UNC80: variants seen among roughly 807,000 people sequenced by gnomAD.
The protein encoded by UNC80 is unc-80 subunit of NALCN channel complex, also known as protein unc-80 homolog.
Under a neutral mutation model 384.6 loss-of-function variants are expected in UNC80, and 164 were observed. The observed-to-expected ratio is 0.43, with a 90% CI of 0.38 to 0.49. The LOEUF (loss-of-function observed/expected upper bound fraction) is 0.49. UNC80 is among the 20% of genes least tolerant of loss of function. The probability of loss-of-function intolerance (pLI) is 0.00; values close to 1 mark genes in which losing one functional copy is unlikely to be tolerated. For synonymous variants in UNC80, 1,486 were observed against 1,527.8 expected (o/e 0.97, Z 0.64); for missense variants, 3,330 against 4,143.0 (o/e 0.80, Z 5.39).
At chr2:209,921,119 C>T (rs1331430045) in intron 33 of UNC80, among the ~76,000 whole-genome samples, 1 of 152,216 alleles carries the variant, frequency 6.6e-6, no homozygotes, top group African/African-American at 2.4e-5. Context: ...TGAGCCACCA[C>T]ACCTGGCCTG....
At chr2:209,974,110 T>C (rs1197428587) in intron 56 of UNC80, among the ~76,000 whole-genome samples, 1 of 152,168 alleles carries the variant, frequency 6.6e-6, no homozygotes, top group African/African-American at 2.4e-5. Flanking sequence ...AATGAGAAAG[T>C]CTTGCCTGAT....
chr2:209,844,496 C>T (rs201825238), intron 21 of UNC80, among the ~76,000 whole-genome samples: 12,468 of 73,140 alleles, frequency 0.17, 715 homozygotes, highest in East Asian at 0.21. Flanking sequence ...TCCTTCCTTC[C>T]TTCCTTCCTT....
At chr2:209,853,183 A>AT (rs1414326027) in intron 22 of UNC80, among the ~76,000 whole-genome samples, 1 of 151,948 alleles carries the variant, frequency 6.6e-6, no homozygotes, top group Non-Finnish European at 1.5e-5. Flanking sequence ...TCAATCTTGC[A>AT]TTTTCTCCCA....
chr2:209,884,063 G>A (rs1311299730), intron 25 of UNC80, among the ~76,000 whole-genome samples: 3 of 151,990 alleles, frequency 2.0e-5, no homozygotes, highest in East Asian at 3.8e-4. Context: ...TGTAAACCGT[G>A]CAATTAAATT....
At chr2:209,885,838 C>G (rs1429061363) in intron 25 of UNC80, among the ~76,000 whole-genome samples, 1 of 151,552 alleles carries the variant, frequency 6.6e-6, no homozygotes, top group African/African-American at 2.4e-5. Context: ...TCACTGCAAC[C>G]TCCACCTTCC....
At position 209,996,096 on chromosome 2, in the gene UNC80, A is replaced by G. The variant is rs977333870; in HGVS notation, c.*501A>G. 6.5e-6 allele frequency: 1 copy of G among 153,356 alleles called. No individual in the cohort carries two copies. The highest frequency in any genetic ancestry group is 1.5e-5 in the Non-Finnish European group (1 of 68,944). 9.5% of individuals were successfully genotyped at this position (153,356 alleles called of 1,614,324 possible). On this transcript the variant is annotated 3_prime_UTR_variant, in exon 65 of 65. Transcript: ENST00000673920. ...ATAGGAAAAATATTACTTTGGGGAG[A>G]CTAAATAACAAGCCTGCAGCCATTT...
In UNC80 at chr2:209,872,859, C is replaced by A; in HGVS notation, c.3729C>A (p.His1243Gln). The A allele has an allele frequency of 6.4e-7, 1 of 1,551,396 alleles. No individual in the cohort carries two copies. Among genetic ancestry groups the A allele is most frequent in the African/African-American group, 1.4e-5 (1 of 73,108 alleles). ...GNWPEWMKGH[H>Q]VNITKKGLSR... ...GGCCAGAGTGGATGAAAGGGCACCA[C>A]GTGAACATCACCAAGAAAGGACTTT... The change falls in exon 23 of 65, where the codon CAC (histidine) becomes CAA (glutamine). Residue 1243 changes from histidine to glutamine, a missense_variant. Physicochemically the swap from His to Gln is conservative, Grantham distance 24. Transcript: ENST00000673920. The surrounding 1 kb of genome is among the most constrained non-coding windows in gnomAD (Gnocchi z 4.1).
chr2:209,999,263 G>A lies in UNC80; in HGVS notation c.*3668G>A. 6.6e-6 allele frequency: 1 copy of A among 152,216 alleles called. No individual in the cohort carries two copies. The highest frequency in any genetic ancestry group is 1.5e-5 in the Non-Finnish European group (1 of 68,040). The allele number at this position is 152,216 out of a possible 1,614,324, so 9.4% of individuals were successfully genotyped here. A position where few individuals can be genotyped will look rare whatever the true frequency, so the allele number is the denominator to read the frequency against. On this transcript the variant is annotated 3_prime_UTR_variant, in exon 65 of 65. Transcript: ENST00000673920. Reference sequence around the variant, plus strand: ...TATTAAGACTTCTGTGTTTAGGTATGCACATATGATAAAATAAATCTAAAA... The same window carrying A: ...TATTAAGACTTCTGTGTTTAGGTATACACATATGATAAAATAAATCTAAAA...
chr2:209,960,356 A>C (rs2092550950), intron 51 of UNC80, among the ~76,000 whole-genome samples: 1 of 152,208 alleles, frequency 6.6e-6, no homozygotes, highest in South Asian at 2.1e-4. Context: ...TCGTCTTCCT[A>C]CAGAGATGCC....
intron 25 of UNC80, among the ~76,000 whole-genome samples, chr2:209,884,242 A>T (rs1393854480): frequency 6.6e-6 from 1 of 152,246 alleles, no homozygotes; most frequent in Admixed American, 6.5e-5. Context: ...TTCCCAGTTG[A>T]ATTAGTGAGA....
chr2:209,799,996 A>G (rs2078433047), intron 7 of UNC80, among the ~76,000 whole-genome samples: 1 of 152,198 alleles, frequency 6.6e-6, no homozygotes. Flanking sequence ...GGATTTTTGC[A>G]TCAATGTTCA....
chr2:209,971,027 G>C (rs78941886), intron 54 of UNC80, 70 bp downstream of exon 54: 36 of 1,488,508 alleles, frequency 2.4e-5, no homozygotes, highest in Non-Finnish European at 3.1e-5. Context: ...TGGTGTTCTC[G>C]TTTTTTTCTG....
At position 209,944,666 on chromosome 2, in the gene UNC80, C is replaced by T. The variant is rs544775296; in HGVS notation, c.7051-385C>T. The stretch of plus-strand genomic sequence containing the variant: ...CAAAGAAGACCTGTGAAATTCCCAG[C>T]GTTGTTAGTTAAAATAAGCATACAT... On this transcript the variant is annotated intron_variant, in intron 45 of 64. Coordinates refer to ENST00000673920, the MANE Select transcript of UNC80 (RefSeq NM_001371986.1). 7.9e-5 allele frequency among the ~76,000 whole-genome samples: 12 copies of T among 152,118 alleles called. No homozygotes were observed. The South Asian group carries it at 2.1e-3, about 26-fold the overall frequency.
At chr2:209,847,359 C>CG (rs2082242801) in intron 21 of UNC80, among the ~76,000 whole-genome samples, 1 of 113,960 alleles carries the variant, frequency 8.8e-6, no homozygotes, top group Admixed American at 8.5e-5. Context: ...AAAAATAGTA[C>CG]CAAAATATAT....
At chr2:209,889,215 G>A (rs529220178) in intron 26 of UNC80, among the ~76,000 whole-genome samples, 1 of 152,252 alleles carries the variant, frequency 6.6e-6, no homozygotes, top group Admixed American at 6.5e-5. Context: ...CAGCCTACAG[G>A]TTGCTTGTAA....
At chr2:209,831,624 C>G in intron 16 of UNC80, 33 bp downstream of exon 16, 5 of 1,497,194 alleles carry the variant, frequency 3.3e-6, no homozygotes, top group Non-Finnish European at 4.5e-6. Context: ...CACAGGAGCT[C>G]TCAGTCTCTG....
chr2:209,952,344 C>A (rs2092223583), intron 47 of UNC80, among the ~76,000 whole-genome samples: 1 of 152,122 alleles, frequency 6.6e-6, no homozygotes, highest in South Asian at 2.1e-4. Flanking sequence ...TGTGGTAGGG[C>A]AGATCATTTT....
At chr2:209,814,204 A>G (rs540363413) in intron 8 of UNC80, among the ~76,000 whole-genome samples, 1 of 152,034 alleles carries the variant, frequency 6.6e-6, no homozygotes, top group South Asian at 2.1e-4. Context: ...ACTAAACGTG[A>G]TGTAACCTCT....
At chr2:209,980,266 T>C (rs953051297) in intron 59 of UNC80, among the ~76,000 whole-genome samples, 14 of 152,234 alleles carry the variant, frequency 9.2e-5, no homozygotes, top group African/African-American at 3.4e-4. Context: ...GCAATTCTTA[T>C]TAATTATAGG....
Sources: allele counts gnomAD v4.1 joint callset (sites outside exome capture counted in the v4.1 genomes callset), GRCh38; gene constraint gnomAD v4.1.1; non-coding constraint Gnocchi (gnomAD v3.1); transcripts MANE v1.5; gene names NCBI Gene and HGNC (gene_info 2026-07-23, HGNC 2026-07-21).